Variants in SPAG17 observed in about 807,000 individuals in gnomAD.
The protein encoded by SPAG17 is sperm-associated antigen 17.
Under a neutral mutation model 273.6 loss-of-function variants are expected in SPAG17, and 169 were observed. The observed-to-expected ratio is 0.62, with a 90% CI of 0.55 to 0.70. SPAG17 has a LOEUF of 0.70. Among genes scored for constraint, SPAG17 ranks in the 30% least tolerant of loss-of-function variants. The probability of loss-of-function intolerance (pLI) is 0.00; values close to 1 mark genes in which losing one functional copy is unlikely to be tolerated. For missense variants in SPAG17, 2,557 were observed against 2,627.8 expected, an observed-to-expected ratio of 0.97 and a Z score of 0.59; for synonymous variants, 825 against 873.2, an observed-to-expected ratio of 0.94 and a Z score of 0.97.
rs767261049 is a variant in SPAG17 at position 118,028,339 on chromosome 1, A to T, written c.3665T>A (p.Phe1222Tyr). The change falls in exon 26 of 49, where the codon TTC (phenylalanine) becomes TAC (tyrosine). Residue 1222 changes from phenylalanine to tyrosine, a missense_variant. Transcript: ENST00000336338. ...VLQETLDVPT[F>Y]QSLNVSCPSG... Reference sequence around the variant, plus strand: ...GGGGCAAGACACATTTAGGCTCTGGAAGGTGGGAACATCCAAAGTCTCTTG... The same window carrying T: ...GGGGCAAGACACATTTAGGCTCTGGTAGGTGGGAACATCCAAAGTCTCTTG... The T allele has an allele frequency of 6.2e-7, 1 of 1,613,860 alleles. No individual in the cohort carries two copies. The highest frequency in any genetic ancestry group is 1.1e-5 in the South Asian group (1 of 91,052).
intron 4 of SPAG17, among the ~76,000 whole-genome samples, chr1:118,108,723 C>T (rs1362274107): frequency 3.3e-5 from 5 of 149,822 alleles, no homozygotes; most frequent in African/African-American, 4.9e-5. Flanking sequence ...TTTTTTAATG[C>T]AGTATGTGCA....
chr1:117,999,859 T>A (rs1658081895), intron 32 of SPAG17, among the ~76,000 whole-genome samples: 1 of 152,254 alleles, frequency 6.6e-6, no homozygotes, highest in Admixed American at 6.5e-5. Flanking sequence ...TGGCTTTTGT[T>A]GCCATTGTTT....
intron 3 of SPAG17, among the ~76,000 whole-genome samples, chr1:118,137,221 G>C (rs1558038209): frequency 6.6e-6 from 1 of 152,066 alleles, no homozygotes; most frequent in South Asian, 2.1e-4. Flanking sequence ...TGCAACTCCA[G>C]GGATAAATGA....
intron 29 of SPAG17, 61 bp downstream of exon 29, chr1:118,015,904 G>T: frequency 7.0e-7 from 1 of 1,419,088 alleles, no homozygotes; most frequent in Non-Finnish European, 9.9e-7. Flanking sequence ...CACTCTTTTG[G>T]GTGTTGTTTC....
chr1:118,133,320 T>C (rs1229628133), intron 3 of SPAG17, among the ~76,000 whole-genome samples: 2 of 151,882 alleles, frequency 1.3e-5, no homozygotes, highest in East Asian at 3.9e-4. Context: ...AGAGAGTTTA[T>C]CGTTGAGGAG....
intron 1 of SPAG17, among the ~76,000 whole-genome samples, chr1:118,164,026 C>T (rs1235290062): frequency 6.6e-6 from 1 of 152,226 alleles, no homozygotes; most frequent in Non-Finnish European, 1.5e-5. Context: ...CTCATTCTGT[C>T]TTTATTCCTT....
intron 21 of SPAG17, among the ~76,000 whole-genome samples, chr1:118,041,058 T>C (rs1274546315): frequency 2.9e-4 from 44 of 152,160 alleles, no homozygotes; most frequent in Admixed American, 2.9e-3. Flanking sequence ...ACTCTGTTCA[T>C]TGGCACATTC....
chr1:118,147,777 A>T (rs1387115572), intron 3 of SPAG17, among the ~76,000 whole-genome samples: 1 of 152,218 alleles, frequency 6.6e-6, no homozygotes, highest in Admixed American at 6.5e-5. Context: ...TCACTTAGGA[A>T]TGTGGTCTTT....
Position 118,171,357 on chromosome 1 carries a change from C to T in SPAG17, c.87+13714G>A, listed in dbSNP as rs75280066. ...ACAACCAGGGAATATGGCATGCTTT[C>T]AAGTATCAGAAGGGCCATTTTCTGT... On this transcript the variant is annotated intron_variant, in intron 1 of 48. Coordinates refer to ENST00000336338, the MANE Select transcript of SPAG17 (RefSeq NM_206996.4). 4.3e-3 allele frequency among the ~76,000 whole-genome samples: 650 copies of T among 152,186 alleles called. 4 individuals carry two copies. The highest frequency in any genetic ancestry group is 0.015 in the African/African-American group (618 of 41,524).
At chr1:118,167,836 T>G (rs1660243796) in intron 1 of SPAG17, among the ~76,000 whole-genome samples, 1 of 152,102 alleles carries the variant, frequency 6.6e-6, no homozygotes, top group Non-Finnish European at 1.5e-5. Context: ...GGGGTGGATT[T>G]TTCATGAATG....
At chr1:118,146,875 A>C (rs1659026411) in intron 3 of SPAG17, among the ~76,000 whole-genome samples, 1 of 152,148 alleles carries the variant, frequency 6.6e-6, no homozygotes, top group Admixed American at 6.5e-5. Context: ...GGGCTAACTG[A>C]TGTAATATAT....
chr1:117,984,716 A>G lies in SPAG17; in HGVS notation c.5736T>C (p.Phe1912=). The G allele has an allele frequency of 3.1e-6, 5 of 1,609,024 alleles. No homozygotes were observed. Among genetic ancestry groups the G allele is most frequent in the Non-Finnish European group, 4.3e-6 (5 of 1,176,088 alleles). Residue 1912 remains phenylalanine, a synonymous_variant, in exon 41 of 49, where the codon TTT becomes TTC. Transcript: ENST00000336338. ...DIKNRIIPPF[F]KSELNQLYQS... ...GATATAACTGGTTCAATTCAGATTTAAAAAAGGGTGGTATTATGCGGTTCT... is the reference window on the plus strand; with the variant it reads ...GATATAACTGGTTCAATTCAGATTTGAAAAAGGGTGGTATTATGCGGTTCT...
chr1:118,144,176 G>A (rs1476977771), intron 3 of SPAG17, among the ~76,000 whole-genome samples: 1 of 152,170 alleles, frequency 6.6e-6, no homozygotes, highest in Non-Finnish European at 1.5e-5. Context: ...TCTGATCTGG[G>A]AGGCAAACGT....
intron 1 of SPAG17, among the ~76,000 whole-genome samples, chr1:118,153,206 C>T (rs1461641845): frequency 6.6e-6 from 1 of 152,100 alleles, no homozygotes; most frequent in Non-Finnish European, 1.5e-5. Flanking sequence ...AGAGGAGGGG[C>T]AAGAGGGAAC....
chr1:118,068,657 C>T (rs10923487), intron 17 of SPAG17, among the ~76,000 whole-genome samples: 7,717 of 152,050 alleles, frequency 0.051, 366 homozygotes, highest in East Asian at 0.25. Flanking sequence ...TTATTGGTTA[C>T]GTTAGTTATT....
At chr1:117,991,852 T>C (rs1033232956) in intron 36 of SPAG17, among the ~76,000 whole-genome samples, 2 of 152,202 alleles carry the variant, frequency 1.3e-5, no homozygotes, top group African/African-American at 4.8e-5. Context: ...TGTAGGATCC[T>C]TTCAGGTATA....
chr1:118,092,718 C>G (rs958219514), intron 8 of SPAG17, among the ~76,000 whole-genome samples: 5 of 152,182 alleles, frequency 3.3e-5, no homozygotes, highest in African/African-American at 1.2e-4. Flanking sequence ...CTACTGCAAG[C>G]TGAGATGACT....
chr1:118,166,869 A>G (rs948995023), intron 1 of SPAG17, among the ~76,000 whole-genome samples: 1 of 152,170 alleles, frequency 6.6e-6, no homozygotes, highest in Non-Finnish European at 1.5e-5. Flanking sequence ...ACGTTTTCCA[A>G]AAAGTTTGCT....
chr1:118,060,986 A>G (rs148614500), intron 18 of SPAG17, among the ~76,000 whole-genome samples: 100 of 152,316 alleles, frequency 6.6e-4, no homozygotes, highest in South Asian at 2.9e-3. Flanking sequence ...TCAAAATGAC[A>G]ATTAGATATC....
Sources: allele counts gnomAD v4.1 joint callset (sites outside exome capture counted in the v4.1 genomes callset), GRCh38; gene constraint gnomAD v4.1.1; transcripts MANE v1.5; gene names NCBI Gene and HGNC (gene_info 2026-07-23, HGNC 2026-07-21).